The following GRIK4 variants were observed in gnomAD, a reference collection of about 807,000 sequenced individuals.
GRIK4 encodes glutamate receptor ionotropic, kainate 4.
GRIK4 carries 40 observed loss-of-function variants against 104.9 expected under a neutral mutation model. That is an observed-to-expected ratio of 0.38 (90% CI 0.30 to 0.50). The LOEUF (loss-of-function observed/expected upper bound fraction) is 0.50, where lower values mean the gene tolerates loss of function less well. GRIK4 is among the 20% of genes least tolerant of loss of function. The pLI is 0.93. For synonymous variants in GRIK4, 485 were observed against 524.9 expected (o/e 0.92, Z 1.04); for missense variants, 1,047 against 1,308.1 (o/e 0.80, Z 3.08).
chr11:120,665,508 A>G (rs1949898428), intron 3 of GRIK4, among the ~76,000 whole-genome samples: 1 of 152,122 alleles, frequency 6.6e-6, no homozygotes, highest in South Asian at 2.1e-4. Context: ...TTTCTTATTC[A>G]TGTCTGTATT....
chr11:120,600,547 C>T (rs1948871830), intron 1 of GRIK4, among the ~76,000 whole-genome samples: 1 of 152,110 alleles, frequency 6.6e-6, no homozygotes, highest in African/African-American at 2.4e-5. Flanking sequence ...GGATGCTGGT[C>T]TTTGTTTTCC....
chr11:120,699,527 T>C (rs1950513973), intron 3 of GRIK4, among the ~76,000 whole-genome samples: 1 of 142,968 alleles, frequency 7.0e-6, no homozygotes, highest in South Asian at 2.4e-4. Context: ...AAACAGTAAG[T>C]CAGGTGTGTG....
intron 1 of GRIK4, among the ~76,000 whole-genome samples, chr11:120,597,840 T>C (rs1051999145): frequency 6.6e-6 from 1 of 152,120 alleles, no homozygotes. Context: ...CCAGCCCAAT[T>C]AGAAACCTGC....
intron 1 of GRIK4, among the ~76,000 whole-genome samples, chr11:120,532,611 C>T (rs1268640899): frequency 6.6e-6 from 1 of 152,196 alleles, no homozygotes; most frequent in Admixed American, 6.5e-5. Flanking sequence ...AGTGTGGACT[C>T]TTTCCCCTAC....
At chr11:120,522,223 C>T (rs530225340) in intron 1 of GRIK4, among the ~76,000 whole-genome samples, 64 of 152,336 alleles carry the variant, frequency 4.2e-4, no homozygotes, top group African/African-American at 1.5e-3. Context: ...AGTGCCTTGC[C>T]CGGCGTAGGG....
chr11:120,546,244 C>A (rs139330718), intron 1 of GRIK4, among the ~76,000 whole-genome samples: 1 of 152,162 alleles, frequency 6.6e-6, no homozygotes, highest in Admixed American at 6.5e-5. Flanking sequence ...TGAATTGGTT[C>A]GCCCCCAGTT....
At chr11:120,522,983 C>G (rs1947813319) in intron 1 of GRIK4, among the ~76,000 whole-genome samples, 1 of 151,970 alleles carries the variant, frequency 6.6e-6, no homozygotes, top group African/African-American at 2.4e-5. Flanking sequence ...TGTGCACAGA[C>G]ACCTGCTGAA....
rs147744707 is a variant in GRIK4 at position 120,807,046 on chromosome 11, G to A, written c.247+4189G>A. Among the ~76,000 whole-genome samples, 283 of 152,046 alleles carry A rather than the reference G, an allele frequency of 1.9e-3. 1 individual carries two copies. Among genetic ancestry groups the A allele is most frequent in the African/African-American group, 6.5e-3 (269 of 41,474 alleles). On this transcript the variant is annotated intron_variant, in intron 4 of 20. Transcript: ENST00000527524. ...CCACCTCTGCCCTTCCACCATTATC[G>A]CCCCAGGATCTTGGTGTTTGACTTT...
At chr11:120,545,715 C>G (rs1022908818) in intron 1 of GRIK4, among the ~76,000 whole-genome samples, 6 of 152,144 alleles carry the variant, frequency 3.9e-5, no homozygotes, top group African/African-American at 7.2e-5. Flanking sequence ...GGGAGGAGAA[C>G]TGTTGATTGA....
intron 3 of GRIK4, among the ~76,000 whole-genome samples, chr11:120,735,612 A>G (rs548047899): frequency 6.6e-6 from 1 of 152,064 alleles, no homozygotes; most frequent in African/African-American, 2.4e-5. Flanking sequence ...CCAGGTTTGC[A>G]TCCTTTCTTT....
At chr11:120,571,375 G>A (rs1315578859) in intron 1 of GRIK4, among the ~76,000 whole-genome samples, 1 of 152,168 alleles carries the variant, frequency 6.6e-6, no homozygotes, top group East Asian at 1.9e-4. Flanking sequence ...CCTGTGCACA[G>A]CAGTCTCTTT....
At chr11:120,916,419 A>G (rs898750570) in intron 13 of GRIK4, among the ~76,000 whole-genome samples, 4 of 152,250 alleles carry the variant, frequency 2.6e-5, no homozygotes, top group Admixed American at 2.0e-4. Flanking sequence ...CGGGACAACC[A>G]GGATGGATTC....
At chr11:120,533,381 A>G (rs1042541704) in intron 1 of GRIK4, among the ~76,000 whole-genome samples, 2 of 152,172 alleles carry the variant, frequency 1.3e-5, no homozygotes, top group Non-Finnish European at 2.9e-5. Flanking sequence ...CCTTATAACA[A>G]CCCTGCATAC....
chr11:120,690,200 C>T (rs767384048), intron 3 of GRIK4, among the ~76,000 whole-genome samples: 2 of 152,196 alleles, frequency 1.3e-5, no homozygotes, highest in African/African-American at 2.4e-5. Context: ...GCTGCCCTGT[C>T]GTCCTGGTGC....
chr11:120,578,887 G>A (rs1565557977), intron 1 of GRIK4, among the ~76,000 whole-genome samples: 1 of 152,324 alleles, frequency 6.6e-6, no homozygotes, highest in East Asian at 1.9e-4. Flanking sequence ...CCAGCCCCAT[G>A]GGTGGCTGGG....
chr11:120,636,317 C>G (rs1949396148), intron 1 of GRIK4, among the ~76,000 whole-genome samples: 1 of 152,200 alleles, frequency 6.6e-6, no homozygotes, highest in African/African-American at 2.4e-5. Flanking sequence ...ATGAGTGCCC[C>G]TCCTTTACCC....
intron 1 of GRIK4, among the ~76,000 whole-genome samples, chr11:120,652,225 C>G (rs1482717303): frequency 1.3e-5 from 2 of 152,188 alleles, no homozygotes; most frequent in African/African-American, 4.8e-5. Flanking sequence ...TCAGTTCTTA[C>G]AACTGCAGAA....
At chr11:120,519,956 G>A (rs930819014) in intron 1 of GRIK4, among the ~76,000 whole-genome samples, 9 of 149,228 alleles carry the variant, frequency 6.0e-5, no homozygotes, top group Non-Finnish European at 1.3e-4. Context: ...GCAGAGGCGC[G>A]ATCTTGGCTC....
intron 3 of GRIK4, among the ~76,000 whole-genome samples, chr11:120,744,307 T>A (rs1180108464): frequency 2.6e-5 from 4 of 152,116 alleles, no homozygotes; most frequent in Non-Finnish European, 5.9e-5. Flanking sequence ...AGGCTTCTTT[T>A]TTCCCCCCGG....
Sources: gnomAD v4.1 joint callset for allele counts (sites outside exome capture counted in the v4.1 genomes callset) on GRCh38, gnomAD v4.1.1 for gene constraint, MANE v1.5 for transcripts, NCBI Gene and HGNC (gene_info 2026-07-23, HGNC 2026-07-21) for gene names.